Variants in CDH19 observed in about 807,000 individuals in gnomAD.
CDH19 encodes the protein cadherin 19.
CDH19 carries 67 observed loss-of-function variants against 64.2 expected under a neutral mutation model. The observed-to-expected ratio is 1.04, with a 90% CI of 0.86 to 1.28. The LOEUF (loss-of-function observed/expected upper bound fraction) is 1.28. CDH19 is among the 50% of genes most tolerant of loss of function. CDH19 has a pLI of 0.00. For synonymous variants in CDH19, 346 were observed against 319.3 expected, an observed-to-expected ratio of 1.08 and a Z score of -0.89; for missense variants, 1,030 against 929.0, an observed-to-expected ratio of 1.11 and a Z score of -1.41.
intron 3 of CDH19, among the ~76,000 whole-genome samples, chr18:66,565,140 T>G (rs962532993): frequency 2.0e-5 from 3 of 151,952 alleles, no homozygotes; most frequent in Non-Finnish European, 4.4e-5. Flanking sequence ...CTTATATTTT[T>G]GGATGGCAGA....
intron 4 of CDH19, among the ~76,000 whole-genome samples, chr18:66,551,875 G>T (rs1195433900): frequency 6.6e-6 from 1 of 151,736 alleles, no homozygotes; most frequent in East Asian, 1.9e-4. Context: ...AAGAACCTAA[G>T]AAAATCTTAA....
chr18:66,543,997 G>T lies in CDH19; in HGVS notation c.1188C>A (p.Asp396Glu), dbSNP rs748661982. Residue 396 changes from aspartate (D) to glutamate (E), a missense_variant, in exon 7 of 12, where the codon GAC becomes GAA. By Grantham distance (45) the Asp-to-Glu change is conservative (BLOSUM62 2). Transcript: ENST00000262150. Reference sequence around the variant, plus strand: ...TGATAGGAGATTTCCTATTGTCTGGGTCTGTGGCAGACACCACGCCTACAA... The same window carrying T: ...TGATAGGAGATTTCCTATTGTCTGGTTCTGTGGCAGACACCACGCCTACAA... ...GSFVGVVSAT[D>E]PDNRKSPIRY... 18 of 1,613,130 alleles carry T rather than the reference G, an allele frequency of 1.1e-5. No individual in the cohort carries two copies. The highest frequency in any genetic ancestry group is 1.5e-5 in the Non-Finnish European group (18 of 1,179,324).
At chr18:66,526,487 C>A (rs982596690) in intron 9 of CDH19, among the ~76,000 whole-genome samples, 1 of 152,006 alleles carries the variant, frequency 6.6e-6, no homozygotes, top group African/African-American at 2.4e-5. Flanking sequence ...AATGGTATTT[C>A]ATTTTTGTGG....
intron 1 of CDH19, among the ~76,000 whole-genome samples, chr18:66,590,007 A>ATTTT (rs1472010496): frequency 6.6e-6 from 1 of 151,914 alleles, no homozygotes; most frequent in African/African-American, 2.4e-5. Context: ...TTAGTTTAAA[A>ATTTT]TTTTATTGTG....
At chr18:66,554,642 A>C in intron 3 of CDH19, 118 bp from the exon 4 acceptor site, 1 of 691,266 alleles carries the variant, frequency 1.4e-6, no homozygotes, top group Non-Finnish European at 2.3e-6. Flanking sequence ...AGCTCAATTC[A>C]CCTCCTTGTT....
intron 1 of CDH19, among the ~76,000 whole-genome samples, chr18:66,591,330 T>C (rs982484209): frequency 6.6e-6 from 1 of 151,938 alleles, no homozygotes; most frequent in Admixed American, 6.6e-5. Context: ...GTGCATAAGA[T>C]AATCACTGGT....
intron 4 of CDH19, among the ~76,000 whole-genome samples, chr18:66,552,313 A>C (rs1021836612): frequency 2.0e-5 from 3 of 152,100 alleles, no homozygotes; most frequent in African/African-American, 7.2e-5. Context: ...AATGTGAACT[A>C]TCTCCATAGT....
intron 1 of CDH19, among the ~76,000 whole-genome samples, chr18:66,576,747 G>A (rs1466149333): frequency 1.3e-5 from 2 of 151,386 alleles, no homozygotes; most frequent in Non-Finnish European, 3.0e-5. Flanking sequence ...AATAAGAAAT[G>A]AGAAGCATCT....
At chr18:66,537,643 T>A (rs1200460411) in intron 7 of CDH19, among the ~76,000 whole-genome samples, 1 of 152,102 alleles carries the variant, frequency 6.6e-6, no homozygotes, top group Admixed American at 6.6e-5. Flanking sequence ...TAACATTTTT[T>A]AATACTTTCT....
At chr18:66,543,830 C>T (rs911355964) in intron 7 of CDH19, 141 bp downstream of exon 7, 33 of 611,146 alleles carry the variant, frequency 5.4e-5, no homozygotes, top group African/African-American at 5.3e-4. Context: ...TGGCAATGAG[C>T]TGAGATTGCG....
chr18:66,551,027 T>C, intron 5 of CDH19, 67 bp downstream of exon 5: 1 of 835,924 alleles, frequency 1.2e-6, no homozygotes. Flanking sequence ...GAAAACTATA[T>C]AATCTACTTA....
At chr18:66,529,749 C>G in intron 9 of CDH19, 96 bp downstream of exon 9, 1 of 411,576 alleles carries the variant, frequency 2.4e-6, no homozygotes, top group Admixed American at 4.1e-5. Context: ...ATGTTGATAT[C>G]TATTATATAA....
At chr18:66,556,011 A>G (rs1382214840) in intron 3 of CDH19, among the ~76,000 whole-genome samples, 1 of 151,768 alleles carries the variant, frequency 6.6e-6, no homozygotes, top group Non-Finnish European at 1.5e-5. Flanking sequence ...CCCCTAAGCT[A>G]GTACTATACA....
Position 66,569,659 on chromosome 18 carries a change from G to A in CDH19, c.196-949C>T, listed in dbSNP as rs572731393. On this transcript the variant is annotated intron_variant, in intron 2 of 11. Coordinates refer to ENST00000262150, the MANE Select transcript of CDH19 (RefSeq NM_021153.4). Reference sequence around the variant, plus strand: ...TTTTAATTTATCTGTAAAAAAACCCGTCTAATTCTGATATAGTTAAAATGA... The same window carrying A: ...TTTTAATTTATCTGTAAAAAAACCCATCTAATTCTGATATAGTTAAAATGA... 3.4e-4 allele frequency among the ~76,000 whole-genome samples: 51 copies of A among 151,704 alleles called. No homozygotes were observed. In the Middle Eastern group the frequency reaches 0.01, roughly 30 times the overall value.
In CDH19 at chr18:66,544,049, AC is replaced by A. The variant is rs1235356890; in HGVS notation, c.1135del (p.Val379PhefsTer11). ...TGATCCCTGTGGGGTTTCTTCAAAA[AC>A]TTCAAATACATAATATGGAAGGAGG... The part of the protein sequence containing the change: ...LFLLPYYVFE[V>X]FEETPQGSFV... On this transcript the variant is annotated frameshift_variant, in exon 7 of 12. Coordinates refer to ENST00000262150, the MANE Select transcript of CDH19 (RefSeq NM_021153.4). LOFTEE classifies it high-confidence loss of function. 6.2e-7 allele frequency: 1 copy of A among 1,613,766 alleles called. No individual in the cohort carries two copies. Among genetic ancestry groups the A allele is most frequent in the Non-Finnish European group, 8.5e-7 (1 of 1,179,748 alleles).
At position 66,568,875 on chromosome 18, in the gene CDH19, TA is replaced by T. The variant is rs538868861; in HGVS notation, c.196-166del. On this transcript the variant is annotated intron_variant, in intron 2 of 11. Coordinates refer to ENST00000262150, the MANE Select transcript of CDH19 (RefSeq NM_021153.4). ...AAATATTAATATCAAGATTAAAATC[TA>T]TCACCAGGGAGAAGGAAGAGTGAAT... is the stretch of plus-strand genomic sequence containing the variant. Among the ~76,000 whole-genome samples, 507 of 151,920 alleles carry T rather than the reference TA, an allele frequency of 3.3e-3. 1 individual carries two copies. The highest frequency in any genetic ancestry group is 5.7e-3 in the Non-Finnish European group (388 of 67,854).
intron 9 of CDH19, among the ~76,000 whole-genome samples, chr18:66,516,370 C>CA (rs570434374): frequency 6.6e-6 from 1 of 151,704 alleles, no homozygotes; most frequent in Non-Finnish European, 1.5e-5. Context: ...ATGTGATATA[C>CA]AAAAAAACCC....
In CDH19 at chr18:66,563,740, G is replaced by A. The variant is rs573810333; in HGVS notation, c.490+4676C>T. On this transcript the variant is annotated intron_variant, in intron 3 of 11. Coordinates refer to ENST00000262150, the MANE Select transcript of CDH19 (RefSeq NM_021153.4). ...CAATTACTCTACAACCTAAAGTCTC[G>A]AAGTGAAACTCAGGAAACAGATAAT... Among the ~76,000 whole-genome samples, 9 of 151,932 alleles carry A rather than the reference G, an allele frequency of 5.9e-5. No homozygotes were observed. The East Asian group carries it at 1.2e-3, about 20-fold the overall frequency.
chr18:66,512,941 T>G (rs1253648892), intron 9 of CDH19, among the ~76,000 whole-genome samples: 1 of 151,534 alleles, frequency 6.6e-6, no homozygotes, highest in Non-Finnish European at 1.5e-5. Context: ...TCAGAGGGTT[T>G]GTCACACGAC....
Sources: allele counts gnomAD v4.1 joint callset (sites outside exome capture counted in the v4.1 genomes callset), GRCh38; gene constraint gnomAD v4.1.1; transcripts MANE v1.5; gene names NCBI Gene and HGNC (gene_info 2026-07-23, HGNC 2026-07-21).